LRMDA: variants seen among roughly 807,000 people sequenced by gnomAD.
LRMDA encodes the protein leucine rich melanocyte differentiation associated.
A neutral mutation model predicts 29.8 loss-of-function variants in LRMDA; 18 were observed. The observed-to-expected ratio is 0.60, with a 90% CI of 0.42 to 0.90. LRMDA has a LOEUF of 0.90. Ranked by LOEUF, LRMDA falls within the 40% of genes least tolerant of loss-of-function variation. The pLI, the probability that LRMDA is intolerant of heterozygous loss-of-function variation, is 0.00. For missense variants in LRMDA, 273 were observed against 273.9 expected, an observed-to-expected ratio of 1.00 and a Z score of 0.02; for synonymous variants, 125 against 109.4, an observed-to-expected ratio of 1.14 and a Z score of -0.89.
intron 5 of LRMDA, among the ~76,000 whole-genome samples, chr10:76,074,619 G>T (rs548100442): frequency 4.8e-4 from 73 of 152,286 alleles, no homozygotes; most frequent in African/African-American, 1.7e-3. Flanking sequence ...GTCAGAGGAG[G>T]TTCTGGGGGA....
At chr10:76,145,381 C>G (rs1219267615) in intron 5 of LRMDA, among the ~76,000 whole-genome samples, 3 of 152,094 alleles carry the variant, frequency 2.0e-5, no homozygotes, top group Non-Finnish European at 4.4e-5. Context: ...TGTTTTTGGT[C>G]TATTAAGAGA....
At chr10:76,326,900 C>T (rs1675115556) in intron 6 of LRMDA, among the ~76,000 whole-genome samples, 1 of 151,990 alleles carries the variant, frequency 6.6e-6, no homozygotes, top group Non-Finnish European at 1.5e-5. Flanking sequence ...TCGTATTTTG[C>T]TTCCTGCATG....
intron 5 of LRMDA, among the ~76,000 whole-genome samples, chr10:76,063,136 A>G (rs897634514): frequency 6.6e-6 from 1 of 152,246 alleles, no homozygotes; most frequent in African/African-American, 2.4e-5. Context: ...GTTGGCTACC[A>G]ACTGTTTAAT....
chr10:76,418,636 A>G (rs1036881494), intron 6 of LRMDA, among the ~76,000 whole-genome samples: 3 of 151,890 alleles, frequency 2.0e-5, no homozygotes, highest in African/African-American at 7.2e-5. Context: ...AGAATTGGCC[A>G]TGACCTCTAG....
At chr10:75,495,858 G>A (rs1366197065) in intron 2 of LRMDA, among the ~76,000 whole-genome samples, 5 of 152,198 alleles carry the variant, frequency 3.3e-5, no homozygotes, top group Non-Finnish European at 5.9e-5. Context: ...GCTTGTGGTG[G>A]TCCCCAAGCT....
chr10:76,057,496 G>T (rs1269611902), intron 4 of LRMDA, among the ~76,000 whole-genome samples: 1 of 152,156 alleles, frequency 6.6e-6, no homozygotes, highest in Non-Finnish European at 1.5e-5. Flanking sequence ...TTTGGGTAAG[G>T]ACATTAATGA....
At chr10:75,644,946 C>G (rs573241186) in intron 2 of LRMDA, among the ~76,000 whole-genome samples, 6 of 152,068 alleles carry the variant, frequency 3.9e-5, no homozygotes, top group Admixed American at 2.6e-4. Flanking sequence ...TTCATGTGTT[C>G]AGCCTCTTTC....
At chr10:76,194,167 G>A (rs192569539) in intron 5 of LRMDA, among the ~76,000 whole-genome samples, 343 of 152,310 alleles carry the variant, frequency 2.3e-3, no homozygotes, top group Non-Finnish European at 3.4e-3. Context: ...TGAGTCTGTT[G>A]CAGAAGTGCT....
chr10:76,135,771 CTTT>C (rs199666457), intron 5 of LRMDA, among the ~76,000 whole-genome samples: 1 of 141,794 alleles, frequency 7.1e-6, no homozygotes. Flanking sequence ...AATTTTCTTT[CTTT>C]TTTTTTTTTT....
chr10:76,363,176 A>AGAAGGAGGGAGGGAG (rs1459442138), intron 6 of LRMDA, among the ~76,000 whole-genome samples: 1 of 21,750 alleles, frequency 4.6e-5, no homozygotes, highest in Non-Finnish European at 1.2e-4. Context: ...AAAGAAAGAA[A>AGAAGGAGGGAGGGAG]GGAGGGAGGG....
At chr10:75,515,078 C>T (rs1423578944) in intron 2 of LRMDA, among the ~76,000 whole-genome samples, 1 of 152,126 alleles carries the variant, frequency 6.6e-6, no homozygotes, top group East Asian at 1.9e-4. Context: ...ATACATGCTA[C>T]AGTGTGGATG....
intron 6 of LRMDA, among the ~76,000 whole-genome samples, chr10:76,333,703 C>G (rs1460388769): frequency 6.6e-6 from 1 of 152,122 alleles, no homozygotes; most frequent in Non-Finnish European, 1.5e-5. Flanking sequence ...GCTTTTGAAA[C>G]TAAAACACAG....
At chr10:75,872,186 G>T (rs1845123127) in intron 2 of LRMDA, among the ~76,000 whole-genome samples, 1 of 152,156 alleles carries the variant, frequency 6.6e-6, no homozygotes, top group South Asian at 2.1e-4. Flanking sequence ...TTTCCCCACA[G>T]ATCTTATGGG....
intron 2 of LRMDA, among the ~76,000 whole-genome samples, chr10:75,660,427 C>T (rs995632679): frequency 4.6e-5 from 7 of 152,196 alleles, no homozygotes; most frequent in Non-Finnish European, 1.0e-4. Flanking sequence ...GGCTCTGACA[C>T]CTGCCTGCCA....
intron 2 of LRMDA, among the ~76,000 whole-genome samples, chr10:75,917,911 G>A (rs190168873): frequency 6.6e-6 from 1 of 152,158 alleles, no homozygotes. Context: ...AAGGCTCACA[G>A]GCTGTGGTGG....
chr10:75,872,549 C>T lies in LRMDA; in HGVS notation c.132-163459C>T, dbSNP rs7086544. On this transcript the variant is annotated intron_variant, in intron 2 of 6. Transcript: ENST00000611255. The stretch of plus-strand genomic sequence containing the variant: ...TCAAACTCCTGACCTCGTGATCCGC[C>T]TGCCTCAACCTCCCAAAGTGGTGGG... Among the ~76,000 whole-genome samples, 878 of 152,222 alleles carry T rather than the reference C, an allele frequency of 5.8e-3. 10 individuals are homozygous for T. The highest frequency in any genetic ancestry group is 0.02 in the African/African-American group (845 of 41,532).
intron 2 of LRMDA, among the ~76,000 whole-genome samples, chr10:75,720,457 CTG>C (rs749828573): frequency 3.3e-5 from 5 of 152,228 alleles, no homozygotes; most frequent in Non-Finnish European, 5.9e-5. Flanking sequence ...CATGCATAGT[CTG>C]TGCTACATCT....
At chr10:75,646,433 T>A (rs1841522332) in intron 2 of LRMDA, among the ~76,000 whole-genome samples, 1 of 152,186 alleles carries the variant, frequency 6.6e-6, no homozygotes, top group African/African-American at 2.4e-5. Context: ...TTCTATAATA[T>A]CACTTTGGTA....
chr10:76,207,711 C>A (rs1851562837), intron 5 of LRMDA, among the ~76,000 whole-genome samples: 1 of 152,286 alleles, frequency 6.6e-6, no homozygotes, highest in East Asian at 1.9e-4. Context: ...TGCCTGTAAT[C>A]CCAGCACTTT....
Sources: allele counts gnomAD v4.1 joint callset (sites outside exome capture counted in the v4.1 genomes callset), GRCh38; gene constraint gnomAD v4.1.1; transcripts MANE v1.5; gene names NCBI Gene and HGNC (gene_info 2026-07-23, HGNC 2026-07-21).